The following MEGF11 variants were observed in gnomAD, a reference collection of about 807,000 sequenced individuals.
MEGF11 encodes multiple EGF like domains 11, also known as multiple epidermal growth factor-like domains protein 11.
MEGF11 carries 126 observed loss-of-function variants against 146.6 expected under a neutral mutation model. The observed-to-expected ratio is 0.86, with a 90% CI of 0.74 to 1.00. The LOEUF is 1.00. Among genes scored for constraint, MEGF11 ranks in the 50% least tolerant of loss-of-function variants. The probability of loss-of-function intolerance (pLI) is 0.00; values close to 1 mark genes in which losing one functional copy is unlikely to be tolerated. For synonymous variants in MEGF11, 532 were observed against 583.4 expected, an observed-to-expected ratio of 0.91 and a Z score of 1.27; for missense variants, 1,509 against 1,521.2, an observed-to-expected ratio of 0.99 and a Z score of 0.13.
chr15:66,081,192 G>GT (rs1382489464), intron 5 of MEGF11, among the ~76,000 whole-genome samples: 2 of 152,204 alleles, frequency 1.3e-5, no homozygotes, highest in African/African-American at 4.8e-5. Flanking sequence ...TCCTCTCCAG[G>GT]TCTGGGAATG....
chr15:66,122,983 C>T (rs1452739300), intron 3 of MEGF11, among the ~76,000 whole-genome samples: 1 of 152,118 alleles, frequency 6.6e-6, no homozygotes, highest in African/African-American at 2.4e-5. Context: ...CGGGGTTTCA[C>T]TGTGTTAGCC....
intron 5 of MEGF11, among the ~76,000 whole-genome samples, chr15:65,983,890 G>T (rs2081749145): frequency 6.6e-6 from 1 of 152,236 alleles, no homozygotes; most frequent in Non-Finnish European, 1.5e-5. Context: ...CAAGGTTCCA[G>T]TGTGGCCAGT....
intron 5 of MEGF11, among the ~76,000 whole-genome samples, chr15:66,089,790 T>C (rs2086250260): frequency 6.6e-6 from 1 of 152,246 alleles, no homozygotes; most frequent in South Asian, 2.1e-4. Context: ...GCTTTAATAT[T>C]CCTAATTACT....
chr15:65,919,360 T>C (rs1037414935), intron 15 of MEGF11, among the ~76,000 whole-genome samples: 2 of 152,206 alleles, frequency 1.3e-5, no homozygotes, highest in Admixed American at 1.3e-4. Flanking sequence ...ACCTCAGAGA[T>C]GTGGGTTTGG....
chr15:66,024,068 G>T lies in MEGF11; in HGVS notation c.395-41580C>A, dbSNP rs1228866601. Reference sequence around the variant, plus strand: ...GCTGAGCAGTGGGAAAGAACTGCAGGCTCAGGGTGGGGCTGGTTCGTTCCT... The same window carrying T: ...GCTGAGCAGTGGGAAAGAACTGCAGTCTCAGGGTGGGGCTGGTTCGTTCCT... On this transcript the variant is annotated intron_variant, in intron 5 of 25. Coordinates refer to ENST00000395614, the MANE Select transcript of MEGF11 (RefSeq NM_001385028.1). Among the ~76,000 whole-genome samples the T allele has an allele frequency of 2.0e-5, 3 of 152,352 alleles. No individual in the cohort carries two copies. In the East Asian group the frequency reaches 5.8e-4, roughly 29 times the overall value.
rs1315220309 is a variant in MEGF11 at position 65,929,922 on chromosome 15, G to A, written c.1409-39C>T. 5.8e-6 allele frequency: 9 copies of A among 1,561,190 alleles called. No homozygotes were observed. The African/African-American group carries it at 1.1e-4, about 19-fold the overall frequency. ...AAGGGACTGTCACTTCTCCATCCAGGCCCAGTGTGTCTTTTTTGCCCACTC... is the reference window on the plus strand; with the variant it reads ...AAGGGACTGTCACTTCTCCATCCAGACCCAGTGTGTCTTTTTTGCCCACTC... On this transcript the variant is annotated intron_variant, in intron 11 of 25. Transcript: ENST00000395614.
At chr15:66,098,341 T>C (rs890946856) in intron 4 of MEGF11, among the ~76,000 whole-genome samples, 1 of 152,216 alleles carries the variant, frequency 6.6e-6, no homozygotes, top group Admixed American at 6.5e-5. Flanking sequence ...GGAAGCCCTC[T>C]GAATCAATTC....
intron 1 of MEGF11, among the ~76,000 whole-genome samples, chr15:66,178,710 T>C (rs978590345): frequency 1.3e-5 from 2 of 152,200 alleles, no homozygotes; most frequent in East Asian, 3.9e-4. Context: ...GTATTCAGCT[T>C]GCCTCACCCG....
Position 65,982,259 on chromosome 15 carries a change from A to T in MEGF11, c.624T>A (p.Pro208=), listed in dbSNP as rs997155573. 4.9e-6 allele frequency: 7 copies of T among 1,428,130 alleles called. No homozygotes were observed. The African/African-American group carries it at 7.3e-5, about 15-fold the overall frequency. 88.5% of individuals were successfully genotyped at this position (1,428,130 alleles called of 1,614,324 possible). Residue 208 remains proline (P), a synonymous_variant, in exon 6 of 26, where the codon CCT becomes CCA. Transcript: ENST00000395614. The surrounding 1 kb of genome is among the most constrained non-coding windows in gnomAD (Gnocchi z 5.6). ...TGACTCACTAGACGCCGGTGTAGCC[A>T]GGTGCGCAGAGGCACTCGCCGGCGC... ...DPRAGECLCA[P]GYTGVYCEEL...
Position 65,942,974 on chromosome 15 carries a change from C to CTT in MEGF11, c.1288-12033_1288-12032dup, listed in dbSNP as rs58874869. On this transcript the variant is annotated intron_variant, in intron 10 of 25. Transcript: ENST00000395614. ...AAACAAAAACAAAAAAACAACTTGG[C>CTT]TTTTTTTTTTTTTTTTTTTTTTTTT... Among the ~76,000 whole-genome samples the CTT allele has an allele frequency of 3.6e-3, 173 of 47,596 alleles. 5 individuals carry two copies. The highest frequency in any genetic ancestry group is 0.01 in the South Asian group (8 of 792). The allele number at this position is 47,596 out of a possible 152,430, so 31.2% of individuals were successfully genotyped here.
intron 9 of MEGF11, among the ~76,000 whole-genome samples, chr15:65,964,601 C>T (rs761394164): frequency 6.6e-6 from 1 of 152,196 alleles, no homozygotes; most frequent in Non-Finnish European, 1.5e-5. Context: ...TGTGCTCCAC[C>T]CCACCTCCTT....
intron 10 of MEGF11, among the ~76,000 whole-genome samples, chr15:65,938,565 C>T (rs148827531): frequency 2.1e-3 from 316 of 152,324 alleles, no homozygotes; most frequent in African/African-American, 7.4e-3. Flanking sequence ...CAGTCCACAC[C>T]ACCTACAGGG....
At chr15:66,001,223 A>C (rs1158417147) in intron 5 of MEGF11, among the ~76,000 whole-genome samples, 3 of 152,028 alleles carry the variant, frequency 2.0e-5, no homozygotes, top group Non-Finnish European at 4.4e-5. Context: ...GAGTCCCCCC[A>C]CACATCCACA....
chr15:66,104,681 TAC>T (rs2086981261), intron 4 of MEGF11, among the ~76,000 whole-genome samples: 1 of 152,180 alleles, frequency 6.6e-6, no homozygotes, highest in Non-Finnish European at 1.5e-5. Flanking sequence ...TAGGTCTTCT[TAC>T]ATTACAGATA....
At chr15:66,252,609 G>T (rs928703454) in intron 1 of MEGF11, among the ~76,000 whole-genome samples, 2 of 152,188 alleles carry the variant, frequency 1.3e-5, no homozygotes, top group African/African-American at 4.8e-5. Context: ...GCACCGCCAC[G>T]CCGAGGCTCG....
chr15:66,185,600 G>A (rs559569018), intron 1 of MEGF11, among the ~76,000 whole-genome samples: 17 of 152,260 alleles, frequency 1.1e-4, no homozygotes, highest in African/African-American at 4.1e-4. Context: ...CAAACCTCTG[G>A]ACTTGCTCCC....
intron 1 of MEGF11, among the ~76,000 whole-genome samples, chr15:66,171,253 G>A (rs1017032521): frequency 3.9e-5 from 6 of 152,300 alleles, no homozygotes; most frequent in East Asian, 1.9e-4. Flanking sequence ...CCTGCAGGCC[G>A]GGGCAGGTAT....
At chr15:66,232,667 C>T (rs1412930518) in intron 1 of MEGF11, among the ~76,000 whole-genome samples, 1 of 152,172 alleles carries the variant, frequency 6.6e-6, no homozygotes, top group South Asian at 2.1e-4. Flanking sequence ...GGAGAACAGA[C>T]CCTGCTCCTT....
At chr15:65,908,971 G>A in intron 23 of MEGF11, 63 bp downstream of exon 23, 1 of 1,049,596 alleles carries the variant, frequency 9.5e-7, no homozygotes, top group Non-Finnish European at 1.4e-6. Context: ...CAGGGATGGG[G>A]ATTAGGGCAG....
Sources: allele counts gnomAD v4.1 joint callset (sites outside exome capture counted in the v4.1 genomes callset), GRCh38; gene constraint gnomAD v4.1.1; non-coding constraint Gnocchi (gnomAD v3.1); transcripts MANE v1.5; gene names NCBI Gene and HGNC (gene_info 2026-07-23, HGNC 2026-07-21).